The following TTC39B variants were observed in gnomAD, a reference collection of about 807,000 sequenced individuals.
The protein encoded by TTC39B is tetratricopeptide repeat domain 39B, also known as tetratricopeptide repeat protein 39B.
Under a neutral mutation model 96.6 loss-of-function variants are expected in TTC39B, and 92 were observed. The observed-to-expected ratio is 0.95, with a 90% CI of 0.80 to 1.13. The LOEUF is 1.13. Ranked by LOEUF, TTC39B falls within the 50% of genes most tolerant of loss-of-function variation. TTC39B has a pLI of 0.00. For missense variants in TTC39B, 955 were observed against 809.3 expected (o/e 1.18, Z -2.18); for synonymous variants, 367 against 299.4 (o/e 1.23, Z -2.33).
chr9:15,271,232 T>C (rs3915739), intron 1 of TTC39B, among the ~76,000 whole-genome samples: 5,136 of 152,278 alleles, frequency 0.034, 286 homozygotes, highest in African/African-American at 0.12. Context: ...TTTAACTCTC[T>C]AGAAGAGTGT....
chr9:15,301,673 T>G (rs558366455), intron 1 of TTC39B, among the ~76,000 whole-genome samples: 204 of 152,014 alleles, frequency 1.3e-3, no homozygotes, highest in African/African-American at 4.7e-3. Context: ...GGAGAATCAC[T>G]TGAACCCGGG....
At chr9:15,213,974 G>C (rs1042776862) in intron 4 of TTC39B, among the ~76,000 whole-genome samples, 165 bp downstream of exon 4, 3 of 152,142 alleles carry the variant, frequency 2.0e-5, no homozygotes, top group African/African-American at 7.2e-5. Context: ...TGAAAACTCA[G>C]ATTTCTAAAT....
chr9:15,219,239 T>G (rs1414602115), intron 3 of TTC39B, among the ~76,000 whole-genome samples: 1 of 152,166 alleles, frequency 6.6e-6, no homozygotes, highest in African/African-American at 2.4e-5. Flanking sequence ...AAAAAGTAGT[T>G]GTAAAGATGG....
chr9:15,179,865 C>T (rs2800591), intron 17 of TTC39B, among the ~76,000 whole-genome samples: 123,858 of 152,188 alleles, frequency 0.81, 50,902 homozygotes, highest in East Asian at 0.94. Flanking sequence ...GTTAGGCATA[C>T]GGCGACTGGG....
chr9:15,277,124 C>T (rs1268245843), intron 1 of TTC39B, among the ~76,000 whole-genome samples: 1 of 152,102 alleles, frequency 6.6e-6, no homozygotes, highest in Admixed American at 6.6e-5. Flanking sequence ...GTGGGTTGCC[C>T]AGCATAAAAA....
At chr9:15,237,889 C>T (rs1586938367) in intron 2 of TTC39B, among the ~76,000 whole-genome samples, 1 of 152,238 alleles carries the variant, frequency 6.6e-6, no homozygotes, top group East Asian at 1.9e-4. Context: ...AAATCCTCCA[C>T]AAAATACTAG....
intron 2 of TTC39B, among the ~76,000 whole-genome samples, chr9:15,248,733 G>C (rs1022845911): frequency 1.3e-5 from 2 of 151,998 alleles, no homozygotes; most frequent in African/African-American, 4.8e-5. Flanking sequence ...CTGCATTTAG[G>C]TATGACAAAA....
At chr9:15,287,629 A>T (rs1824020264) in intron 1 of TTC39B, among the ~76,000 whole-genome samples, 1 of 152,156 alleles carries the variant, frequency 6.6e-6, no homozygotes, top group South Asian at 2.1e-4. Flanking sequence ...ATTTAAGTTA[A>T]AATGTAAGCT....
chr9:15,243,619 T>C (rs1822144190), intron 2 of TTC39B, among the ~76,000 whole-genome samples: 1 of 152,064 alleles, frequency 6.6e-6, no homozygotes, highest in South Asian at 2.1e-4. Context: ...ACTAAGAAAA[T>C]GGAAAGCAGG....
chr9:15,210,786 C>A (rs1222563698), intron 5 of TTC39B, among the ~76,000 whole-genome samples: 2 of 152,036 alleles, frequency 1.3e-5, no homozygotes, highest in South Asian at 2.1e-4. Context: ...AAATAACTTA[C>A]CCCTTGAAAA....
At chr9:15,291,449 C>T (rs1421649926) in intron 1 of TTC39B, among the ~76,000 whole-genome samples, 1 of 152,226 alleles carries the variant, frequency 6.6e-6, no homozygotes, top group East Asian at 1.9e-4. Flanking sequence ...CCTCCCCAGC[C>T]ACAGTGAACT....
In TTC39B at chr9:15,187,053, G is replaced by A; in HGVS notation, c.1396-18C>T. On this transcript the variant is annotated intron_variant, in intron 14 of 19. Transcript: ENST00000512701. ...TAAGTTGCCTTGAGAAAAAGAAGGAGCTTATTACAGAACATCCCTAGGTAA... is the reference window on the plus strand; with the variant it reads ...TAAGTTGCCTTGAGAAAAAGAAGGAACTTATTACAGAACATCCCTAGGTAA... 1.3e-6 allele frequency: 2 copies of A among 1,590,378 alleles called. No homozygotes were observed. Among genetic ancestry groups the A allele is most frequent in the Non-Finnish European group, 1.7e-6 (2 of 1,163,256 alleles).
chr9:15,227,636 C>T (rs1008815067), intron 2 of TTC39B, among the ~76,000 whole-genome samples: 1 of 152,124 alleles, frequency 6.6e-6, no homozygotes, highest in Non-Finnish European at 1.5e-5. Context: ...AGACTCTGGG[C>T]AGTGACCATC....
intron 3 of TTC39B, among the ~76,000 whole-genome samples, chr9:15,215,538 C>G (rs891392338): frequency 6.6e-6 from 1 of 151,470 alleles, no homozygotes; most frequent in Non-Finnish European, 1.5e-5. Flanking sequence ...GCCTGGGCGA[C>G]AAGAGTGAAA....
chr9:15,260,467 A>G (rs1455405787), intron 2 of TTC39B, among the ~76,000 whole-genome samples: 1 of 152,150 alleles, frequency 6.6e-6, no homozygotes, highest in Non-Finnish European at 1.5e-5. Flanking sequence ...GCAGAGAAAA[A>G]TGAAAACAAA....
At chr9:15,207,279 C>G (rs1487816397) in intron 6 of TTC39B, among the ~76,000 whole-genome samples, 1 of 152,196 alleles carries the variant, frequency 6.6e-6, no homozygotes, top group Admixed American at 6.5e-5. Context: ...GGATTACAGG[C>G]ACAAGCCACC....
exon 1 of TTC39B, chr9:15,307,092 C>A: frequency 6.2e-7 from 1 of 1,610,292 alleles, no homozygotes; most frequent in Non-Finnish European, 8.5e-7. Flanking sequence ...ACCTCGTCCG[C>A]TTCCAGCTCC....
At chr9:15,291,419 C>A (rs1036879054) in intron 1 of TTC39B, among the ~76,000 whole-genome samples, 1 of 152,228 alleles carries the variant, frequency 6.6e-6, no homozygotes, top group Admixed American at 6.5e-5. Flanking sequence ...TCCTCCTTGC[C>A]ATCTGCGATG....
In TTC39B at chr9:15,295,778, G is replaced by A. The variant is rs547257710; in HGVS notation, c.240+11306C>T. Among the ~76,000 whole-genome samples the A allele has an allele frequency of 3.9e-5, 6 of 152,286 alleles. No individual in the cohort carries two copies. The South Asian group carries it at 1.2e-3, about 32-fold the overall frequency. On this transcript the variant is annotated intron_variant, in intron 1 of 19. Coordinates refer to ENST00000512701, the Ensembl canonical transcript of TTC39B. Reference sequence around the variant, plus strand: ...CATGTTCAAAGTCAGAGAGGAAATGGGAAGCCAGAATCTAAGCCCAGCTGG... The same window carrying A: ...CATGTTCAAAGTCAGAGAGGAAATGAGAAGCCAGAATCTAAGCCCAGCTGG...
Sources: allele counts gnomAD v4.1 joint callset (sites outside exome capture counted in the v4.1 genomes callset), GRCh38; gene constraint gnomAD v4.1.1; transcripts MANE v1.5; gene names NCBI Gene and HGNC (gene_info 2026-07-23, HGNC 2026-07-21).